PCDH15: variants seen among roughly 807,000 people sequenced by gnomAD.
PCDH15 encodes protocadherin related 15.
PCDH15 carries 129 observed loss-of-function variants against 178.5 expected under a neutral mutation model. The observed-to-expected ratio is 0.72, with a 90% confidence interval of 0.63 to 0.84. The LOEUF (loss-of-function observed/expected upper bound fraction) is 0.84. PCDH15 is among the 40% of genes least tolerant of loss of function. The pLI is 0.00. For synonymous variants in PCDH15, 800 were observed against 732.0 expected, an observed-to-expected ratio of 1.09 and a Z score of -1.50; for missense variants, 2,230 against 2,099.9, an observed-to-expected ratio of 1.06 and a Z score of -1.21.
intron 1 of PCDH15, among the ~76,000 whole-genome samples, chr10:54,754,056 CT>C (rs1195583057): frequency 1.3e-5 from 2 of 151,560 alleles, no homozygotes; most frequent in Admixed American, 6.6e-5. Context: ...TCTCGATCTC[CT>C]GACCTCGTGA....
intron 20 of PCDH15, among the ~76,000 whole-genome samples, chr10:54,018,909 T>C (rs1415551291): frequency 6.6e-6 from 1 of 152,120 alleles, no homozygotes; most frequent in East Asian, 1.9e-4. Context: ...TAGATACAAC[T>C]GTGAATAAAA....
At chr10:54,557,909 T>G (rs79330180) in intron 2 of PCDH15, among the ~76,000 whole-genome samples, 3,445 of 152,240 alleles carry the variant, frequency 0.023, 127 homozygotes, top group African/African-American at 0.079. Flanking sequence ...GCTTAGAATG[T>G]AAAATACTTC....
At chr10:55,385,064 T>A (rs965539744) in intron 2 of PCDH15, among the ~76,000 whole-genome samples, 3 of 152,182 alleles carry the variant, frequency 2.0e-5, no homozygotes, top group Admixed American at 6.5e-5. Flanking sequence ...TTGCCTTTAA[T>A]GTAGAAAATT....
At chr10:54,370,948 A>G (rs529965638) in intron 4 of PCDH15, among the ~76,000 whole-genome samples, 1 of 151,990 alleles carries the variant, frequency 6.6e-6, no homozygotes, top group Admixed American at 6.6e-5. Flanking sequence ...TTGAGGCATC[A>G]TTGACATACG....
intron 3 of PCDH15, among the ~76,000 whole-genome samples, chr10:54,414,824 C>T (rs1954081250): frequency 1.3e-5 from 2 of 151,884 alleles, no homozygotes; most frequent in Admixed American, 1.3e-4. Context: ...TTCTTTAATA[C>T]CATGATATAA....
At chr10:54,686,707 T>C (rs61855882) in intron 1 of PCDH15, among the ~76,000 whole-genome samples, 1,811 of 152,274 alleles carry the variant, frequency 0.012, 12 homozygotes, top group Non-Finnish European at 0.02. Context: ...CAGTTGACTA[T>C]ATATACATAG....
chr10:54,329,805 T>A, intron 6 of PCDH15, 99 bp from the exon 7 acceptor site: 1 of 805,500 alleles, frequency 1.2e-6, no homozygotes, highest in East Asian at 2.5e-5. Flanking sequence ...AGAGATGACA[T>A]GCTTATCATC....
chr10:53,963,780 C>T (rs1319002479), intron 21 of PCDH15, among the ~76,000 whole-genome samples: 1 of 152,076 alleles, frequency 6.6e-6, no homozygotes, highest in Admixed American at 6.6e-5. Context: ...TCATCACATC[C>T]TGCCAATACC....
At chr10:55,469,650 C>A (rs1286271565) in intron 2 of PCDH15, among the ~76,000 whole-genome samples, 4 of 151,936 alleles carry the variant, frequency 2.6e-5, no homozygotes, top group Middle Eastern at 3.7e-3. Context: ...ATGTTATCAT[C>A]CCTATAAAGT....
At chr10:55,041,089 T>G (rs1840853405) in intron 2 of PCDH15, among the ~76,000 whole-genome samples, 1 of 152,102 alleles carries the variant, frequency 6.6e-6, no homozygotes, top group Admixed American at 6.6e-5. Flanking sequence ...TGTAATATAT[T>G]TAAGAATATT....
intron 2 of PCDH15, among the ~76,000 whole-genome samples, chr10:54,533,827 A>G (rs2084189192): frequency 6.6e-6 from 1 of 152,150 alleles, no homozygotes; most frequent in African/African-American, 2.4e-5. Context: ...CTTAGCTTTA[A>G]CCATTTCAAA....
intron 2 of PCDH15, among the ~76,000 whole-genome samples, chr10:54,955,626 T>C (rs1838465491): frequency 6.6e-6 from 1 of 151,420 alleles, no homozygotes; most frequent in South Asian, 2.1e-4. Context: ...TAAAATCAAT[T>C]TGATTTTCTT....
chr10:54,023,113 C>A lies in PCDH15; in HGVS notation c.2305G>T (p.Gly769Trp). 6.2e-7 allele frequency: 1 copy of A among 1,613,884 alleles called. No homozygotes were observed. The highest frequency in any genetic ancestry group is 8.5e-7 in the Non-Finnish European group (1 of 1,179,906). Residue 769 changes from glycine to tryptophan, a missense_variant, in exon 19 of 38, where the codon GGG (glycine) becomes TGG (tryptophan). Transcript: ENST00000644397. ...AGCTTCACTGCTGTGTAAATGCTCC[C>A]ATTGGATGTGATACGAAAAAGATTA... ...FNNLFRITSN[G>W]SIYTAVKLNR... is the part of the protein sequence containing the mutation.
intron 2 of PCDH15, among the ~76,000 whole-genome samples, chr10:55,414,988 C>T (rs1456976665): frequency 1.3e-5 from 2 of 151,350 alleles, no homozygotes; most frequent in African/African-American, 4.8e-5. Flanking sequence ...AATGGGCATG[C>T]TTGTTTTTTG....
chr10:53,865,169 A>G (rs1331409270), intron 27 of PCDH15, among the ~76,000 whole-genome samples: 1 of 152,330 alleles, frequency 6.6e-6, no homozygotes, highest in Non-Finnish European at 1.5e-5. Flanking sequence ...CAGCATGGAT[A>G]TAGGTCTGGA....
chr10:54,934,871 C>T (rs909445775), intron 2 of PCDH15, among the ~76,000 whole-genome samples: 7 of 152,082 alleles, frequency 4.6e-5, no homozygotes, highest in African/African-American at 1.7e-4. Context: ...AAATGTGGCA[C>T]ATACACACCA....
chr10:53,949,380 T>A (rs1486128470), intron 23 of PCDH15, among the ~76,000 whole-genome samples: 1 of 152,248 alleles, frequency 6.6e-6, no homozygotes, highest in African/African-American at 2.4e-5. Flanking sequence ...GCTCTCTGCA[T>A]ATGCATTTGT....
intron 2 of PCDH15, among the ~76,000 whole-genome samples, chr10:54,995,485 A>G (rs1203848199): frequency 1.3e-5 from 2 of 151,962 alleles, no homozygotes; most frequent in African/African-American, 2.4e-5. Context: ...GGTATATTGT[A>G]TGAATCCCAG....
chr10:55,158,035 A>G (rs1838942559), intron 2 of PCDH15, among the ~76,000 whole-genome samples: 1 of 150,642 alleles, frequency 6.6e-6, no homozygotes, highest in African/African-American at 2.4e-5. Context: ...TAGTTCCAAA[A>G]CAATTTAGAT....
Sources: gnomAD v4.1 joint callset for allele counts (sites outside exome capture counted in the v4.1 genomes callset) on GRCh38, gnomAD v4.1.1 for gene constraint, MANE v1.5 for transcripts, NCBI Gene and HGNC (gene_info 2026-07-23, HGNC 2026-07-21) for gene names.